FRMPD1: variants seen among roughly 807,000 people sequenced by gnomAD.
FRMPD1 encodes FERM and PDZ domain-containing protein 1.
In FRMPD1, 76 loss-of-function variants were observed where a neutral mutation model predicts 117.8. The observed-to-expected ratio is 0.65, with a 90% confidence interval of 0.54 to 0.78. The LOEUF is 0.78. Among genes scored for constraint, FRMPD1 ranks in the 30% least tolerant of loss-of-function variants. The pLI is 0.00. For missense variants in FRMPD1, 1,786 were observed against 1,964.5 expected (o/e 0.91, Z 1.72); for synonymous variants, 783 against 770.4 (o/e 1.02, Z -0.27).
At chr9:37,736,981 T>C (rs764978210) in intron 13 of FRMPD1, 115 bp from the exon 14 acceptor site, 21 of 766,356 alleles carry the variant, frequency 2.7e-5, no homozygotes, top group Non-Finnish European at 4.6e-5. Context: ...GACCTACCTG[T>C]GGACCATGGC....
At chr9:37,670,357 G>T (rs553455800) in intron 1 of FRMPD1, among the ~76,000 whole-genome samples, 1 of 152,280 alleles carries the variant, frequency 6.6e-6, no homozygotes, top group South Asian at 2.1e-4. Flanking sequence ...TAAAATGGTT[G>T]TGGAAGCCTA....
chr9:37,613,226 T>G, the FRMPD1 span, among the ~76,000 whole-genome samples: 1 of 152,214 alleles, frequency 6.6e-6, no homozygotes. Flanking sequence ...AAAAGTCATC[T>G]ATCCATGCAT....
chr9:37,686,420 G>A (rs13298495), intron 1 of FRMPD1, among the ~76,000 whole-genome samples: 52,781 of 152,096 alleles, frequency 0.35, 10,395 homozygotes, highest in East Asian at 0.45. Context: ...CAGTGGGACC[G>A]TAGAGAAGAT....
chr9:37,615,139 G>A, the FRMPD1 span, among the ~76,000 whole-genome samples: 1 of 151,890 alleles, frequency 6.6e-6, no homozygotes, highest in African/African-American at 2.4e-5. Flanking sequence ...TGACACAGGG[G>A]TCTCACTCTG....
intron 5 of FRMPD1, among the ~76,000 whole-genome samples, chr9:37,712,029 A>G (rs1822926737): frequency 1.3e-5 from 2 of 152,234 alleles, no homozygotes; most frequent in Admixed American, 6.5e-5. Context: ...AGAAATTTTA[A>G]TAGTACTTCT....
intron 12 of FRMPD1, among the ~76,000 whole-genome samples, chr9:37,734,441 C>T (rs1160897073): frequency 6.6e-6 from 1 of 151,790 alleles, no homozygotes; most frequent in African/African-American, 2.4e-5. Context: ...CTGCTCTCTT[C>T]CCATTCTCCT....
the FRMPD1 span, among the ~76,000 whole-genome samples, chr9:37,608,157 G>A: frequency 3.3e-5 from 5 of 152,182 alleles, no homozygotes; most frequent in African/African-American, 7.2e-5. Flanking sequence ...GTCCTTGCTC[G>A]TATTCAATTT....
the FRMPD1 span, among the ~76,000 whole-genome samples, chr9:37,620,713 C>T: frequency 6.6e-6 from 1 of 151,932 alleles, no homozygotes; most frequent in Non-Finnish European, 1.5e-5. Context: ...GAAAGTATAG[C>T]ACAGTTTTTT....
chr9:37,684,439 T>C (rs1821850040), intron 1 of FRMPD1, among the ~76,000 whole-genome samples: 1 of 152,250 alleles, frequency 6.6e-6, no homozygotes, highest in South Asian at 2.1e-4. Flanking sequence ...CTGATATTAC[T>C]ATAATTCTTG....
chr9:37,644,132 C>G, the FRMPD1 span, among the ~76,000 whole-genome samples: 1 of 152,180 alleles, frequency 6.6e-6, no homozygotes. Flanking sequence ...AGGTGTGACC[C>G]TGAAGGGATA....
the FRMPD1 span, among the ~76,000 whole-genome samples, chr9:37,644,579 T>A: frequency 6.6e-6 from 1 of 152,130 alleles, no homozygotes; most frequent in Non-Finnish European, 1.5e-5. Flanking sequence ...GCCCCCTGGG[T>A]AGGCACGCTA....
At chr9:37,619,746 AG>A in the FRMPD1 span, among the ~76,000 whole-genome samples, 1 of 151,542 alleles carries the variant, frequency 6.6e-6, no homozygotes, top group South Asian at 2.1e-4. Flanking sequence ...CGACACAGCG[AG>A]ACTCCAGCTC....
At chr9:37,683,208 G>A (rs952033950) in intron 1 of FRMPD1, among the ~76,000 whole-genome samples, 6 of 152,206 alleles carry the variant, frequency 3.9e-5, no homozygotes, top group East Asian at 1.9e-4. Context: ...CATCCATGCT[G>A]TACCATGCAT....
Position 37,739,106 on chromosome 9 carries a change from T to A in FRMPD1, c.1550-972T>A, listed in dbSNP as rs115203088. 6.5e-3 allele frequency among the ~76,000 whole-genome samples: 994 copies of A among 152,086 alleles called. 11 individuals carry two copies. Among genetic ancestry groups the A allele is most frequent in the African/African-American group, 0.023 (954 of 41,470 alleles). On this transcript the variant is annotated intron_variant, in intron 14 of 15. Transcript: ENST00000377765. Reference sequence around the variant, plus strand: ...CCATTCTGTGAGGGAGACACTAGACTGAAGGGGAGGTGTCAAGACCATCCT... The same window carrying A: ...CCATTCTGTGAGGGAGACACTAGACAGAAGGGGAGGTGTCAAGACCATCCT...
chr9:37,611,774 C>T, the FRMPD1 span, among the ~76,000 whole-genome samples: 1 of 152,204 alleles, frequency 6.6e-6, no homozygotes, highest in South Asian at 2.1e-4. Flanking sequence ...TTTGACATAC[C>T]TTAGTGCACA....
intron 1 of FRMPD1, among the ~76,000 whole-genome samples, chr9:37,671,495 T>C (rs1394022841): frequency 6.6e-6 from 1 of 152,156 alleles, no homozygotes; most frequent in Admixed American, 6.6e-5. Context: ...TGAAAAATCA[T>C]GGTGAATCAG....
At chr9:37,637,050 G>A in the FRMPD1 span, 1 of 1,544,564 alleles carries the variant, frequency 6.5e-7, no homozygotes, top group Non-Finnish European at 9.0e-7. Flanking sequence ...AGGAAGCCAT[G>A]AGCCCCCCGG....
At chr9:37,635,662 A>G in the FRMPD1 span, among the ~76,000 whole-genome samples, 1 of 152,198 alleles carries the variant, frequency 6.6e-6, no homozygotes, top group African/African-American at 2.4e-5. Context: ...AGCACGAGGG[A>G]CATGGCTTCT....
At chr9:37,642,337 C>T in the FRMPD1 span, among the ~76,000 whole-genome samples, 1 of 152,154 alleles carries the variant, frequency 6.6e-6, no homozygotes, top group African/African-American at 2.4e-5. Context: ...ATCCTTAGAG[C>T]CTTCCCATAG....
Sources: gnomAD v4.1 joint callset for allele counts (sites outside exome capture counted in the v4.1 genomes callset) on GRCh38, gnomAD v4.1.1 for gene constraint, MANE v1.5 for transcripts, NCBI Gene and HGNC (gene_info 2026-07-23, HGNC 2026-07-21) for gene names.